FAM20A: variants seen among roughly 807,000 people sequenced by gnomAD.
FAM20A encodes FAM20A golgi associated secretory pathway pseudokinase.
FAM20A carries 42 observed loss-of-function variants against 52.0 expected under a neutral mutation model. The observed-to-expected ratio is 0.81, with a 90% CI of 0.63 to 1.04. The LOEUF (loss-of-function observed/expected upper bound fraction) is 1.04, where lower values mean the gene tolerates loss of function less well. FAM20A is among the 50% of genes least tolerant of loss of function. FAM20A has a pLI of 0.00. For missense variants in FAM20A, 742 were observed against 712.7 expected (o/e 1.04, Z -0.47); for synonymous variants, 304 against 298.9 (o/e 1.02, Z -0.18).
At chr17:68,566,334 G>T (rs2087375679) in intron 1 of FAM20A, among the ~76,000 whole-genome samples, 1 of 152,198 alleles carries the variant, frequency 6.6e-6, no homozygotes, top group Non-Finnish European at 1.5e-5. Context: ...AGCACCTTGT[G>T]CACAGAAGGT....
chr17:68,567,693 C>A (rs1336925898), intron 1 of FAM20A, among the ~76,000 whole-genome samples: 1 of 152,016 alleles, frequency 6.6e-6, no homozygotes, highest in African/African-American at 2.4e-5. Flanking sequence ...AGCCTTTGTA[C>A]TCTGATATGG....
intron 1 of FAM20A, among the ~76,000 whole-genome samples, chr17:68,580,391 A>G (rs1415127908): frequency 6.6e-6 from 1 of 151,820 alleles, no homozygotes; most frequent in East Asian, 1.9e-4. Context: ...TTCCCGACAA[A>G]AACTCATTCC....
chr17:68,551,771 A>T, intron 4 of FAM20A, 102 bp downstream of exon 4: 1 of 744,468 alleles, frequency 1.3e-6, no homozygotes, highest in Non-Finnish European at 2.4e-6. Flanking sequence ...GAATCTCTGA[A>T]TAACTGGCAG....
At chr17:68,588,127 TAA>T (rs747336414) in intron 1 of FAM20A, among the ~76,000 whole-genome samples, 1 of 141,820 alleles carries the variant, frequency 7.1e-6, no homozygotes. Context: ...GCTTTTGACG[TAA>T]AAAAAAAAAG....
At position 68,572,760 on chromosome 17, in the gene FAM20A, G is replaced by C. The variant is rs532832876; in HGVS notation, c.405-17017C>G. Reference sequence around the variant, plus strand: ...TTTATTTATTTATTTATTTATTTTTGTTTTAAGAATTGTTGACTGACTTCT... The same window carrying C: ...TTTATTTATTTATTTATTTATTTTTCTTTTAAGAATTGTTGACTGACTTCT... On this transcript the variant is annotated intron_variant, in intron 1 of 10. Coordinates refer to ENST00000592554, the MANE Select transcript of FAM20A (RefSeq NM_017565.4). 1.1e-4 allele frequency among the ~76,000 whole-genome samples: 16 copies of C among 152,004 alleles called. 1 individual carries two copies. Among genetic ancestry groups the C allele is most frequent in the Admixed American group, 7.2e-4 (11 of 15,266 alleles).
At chr17:68,541,900 A>G (rs1046307142) in intron 7 of FAM20A, 85 bp downstream of exon 7, 6 of 1,502,854 alleles carry the variant, frequency 4.0e-6, no homozygotes, top group Middle Eastern at 4.9e-4. Context: ...TTTCAGATTC[A>G]AAAGCCAAGC....
At chr17:68,578,977 T>A (rs1408393750) in intron 1 of FAM20A, among the ~76,000 whole-genome samples, 1 of 146,998 alleles carries the variant, frequency 6.8e-6, no homozygotes, top group Non-Finnish European at 1.5e-5. Context: ...ATCGCGCCAC[T>A]GCACTCCAGC....
At chr17:68,593,698 G>T (rs1425702058) in intron 1 of FAM20A, among the ~76,000 whole-genome samples, 2 of 152,174 alleles carry the variant, frequency 1.3e-5, no homozygotes, top group African/African-American at 4.8e-5. Flanking sequence ...CCAATGATTT[G>T]TTCCACAGAT....
In FAM20A at chr17:68,580,614, T is replaced by C. The variant is rs572202058; in HGVS notation, c.404+19649A>G. On this transcript the variant is annotated intron_variant, in intron 1 of 10. Transcript: ENST00000592554. ...GGCCCCGAACTGGAAGGGACTTGAA[T>C]GAGAAGGGGCATATCATGGATTGTC... Among the ~76,000 whole-genome samples the C allele has an allele frequency of 6.6e-5, 10 of 152,304 alleles. No homozygotes were observed. The South Asian group carries it at 1.9e-3, about 28-fold the overall frequency.
intron 1 of FAM20A, among the ~76,000 whole-genome samples, chr17:68,561,097 C>A (rs2087198991): frequency 6.6e-6 from 1 of 152,142 alleles, no homozygotes; most frequent in Admixed American, 6.5e-5. Flanking sequence ...CTTTTGACTT[C>A]ACTTATGGTG....
chr17:68,541,032 C>A, intron 7 of FAM20A, 74 bp from the exon 8 acceptor site: 1 of 1,545,690 alleles, frequency 6.5e-7, no homozygotes, highest in Non-Finnish European at 8.7e-7. Context: ...CACACCTCCC[C>A]CTGCCCCCCC....
At chr17:68,571,645 G>A (rs1042151304) in intron 1 of FAM20A, among the ~76,000 whole-genome samples, 4 of 152,016 alleles carry the variant, frequency 2.6e-5, no homozygotes, top group East Asian at 1.9e-4. Flanking sequence ...TATCCTTGAC[G>A]TGGGTCCTAG....
rs1357900431 is a variant in FAM20A, at chr17:68,555,548, A to G, written c.589+11T>C. On this transcript the variant is annotated intron_variant, in intron 2 of 10. Coordinates refer to ENST00000592554, the MANE Select transcript of FAM20A (RefSeq NM_017565.4). ...AGTCAGTCCCCCCTTGCTTGATCCC[A>G]TGAACCTTACCAGCACTGATGGTGG... 4 of 1,612,324 alleles carry G rather than the reference A, an allele frequency of 2.5e-6. No homozygotes were observed. Among genetic ancestry groups the G allele is most frequent in the South Asian group, 1.1e-5 (1 of 91,004 alleles).
In FAM20A at chr17:68,536,054, C is replaced by A. The variant is rs1184114802; in HGVS notation, c.*1423G>T. On this transcript the variant is annotated 3_prime_UTR_variant, in exon 11 of 11. Transcript: ENST00000592554. ...TGGTGAGTGCCTCACCTGGTCAGAT[C>A]TCAGTGAATGGTAGTGATTTTAGAG... 6.6e-6 allele frequency: 3 copies of A among 453,968 alleles called. No homozygotes were observed. The highest frequency in any genetic ancestry group is 6.0e-5 in the African/African-American group (3 of 50,008). 28.1% of individuals were successfully genotyped at this position (453,968 alleles called of 1,614,324 possible).
chr17:68,600,115 G>T lies in FAM20A; in HGVS notation c.404+148C>A. 1.1e-6 allele frequency: 1 copy of T among 917,494 alleles called. No homozygotes were observed. The highest frequency in any genetic ancestry group is 1.6e-6 in the Non-Finnish European group (1 of 625,470). 56.8% of individuals were successfully genotyped at this position (917,494 alleles called of 1,614,324 possible). On this transcript the variant is annotated intron_variant, in intron 1 of 10. Coordinates refer to ENST00000592554, the MANE Select transcript of FAM20A (RefSeq NM_017565.4). This position sits in a 1 kb window ranked among gnomAD's most constrained non-coding sequence, Gnocchi z 6.2. ...CAACAGCTGGTGGGGTTCGGGTGGG[G>T]AACACACTCTAAGCCCAGCGCCAGG... is the stretch of plus-strand genomic sequence containing the variant.
At chr17:68,578,838 CAAAAA>C (rs5821664) in intron 1 of FAM20A, among the ~76,000 whole-genome samples, 1 of 36,058 alleles carries the variant, frequency 2.8e-5, no homozygotes, top group Non-Finnish European at 4.6e-5. Flanking sequence ...CTAAAAATAC[CAAAAA>C]AAAAAAAAAA....
At position 68,546,074 on chromosome 17, in the gene FAM20A, C is replaced by G. The variant is rs368258852; in HGVS notation, c.720-2353G>C. Among the ~76,000 whole-genome samples, 8 of 146,958 alleles carry G rather than the reference C, an allele frequency of 5.4e-5. No individual in the cohort carries two copies. In the East Asian group the frequency reaches 1.6e-3, roughly 30 times the overall value. ...GTCCCAGCTACTTGGGAGGCTGAGG[C>G]AGGAGAATTGTTTGAACCCAGGAGG... On this transcript the variant is annotated intron_variant, in intron 4 of 10. Transcript: ENST00000592554.
At chr17:68,579,582 G>T (rs2087885098) in intron 1 of FAM20A, among the ~76,000 whole-genome samples, 1 of 152,128 alleles carries the variant, frequency 6.6e-6, no homozygotes, top group Non-Finnish European at 1.5e-5. Context: ...GTGAGAGTAG[G>T]GTAGGTTCTG....
At chr17:68,546,120 G>C (rs2086545739) in intron 4 of FAM20A, among the ~76,000 whole-genome samples, 1 of 138,986 alleles carries the variant, frequency 7.2e-6, no homozygotes, top group South Asian at 2.5e-4. Context: ...AGTGAGCCGA[G>C]ATTGTGCCAC....
Sources: gnomAD v4.1 joint callset for allele counts (sites outside exome capture counted in the v4.1 genomes callset) on GRCh38, gnomAD v4.1.1 for gene constraint, Gnocchi (gnomAD v3.1) non-coding constraint, MANE v1.5 for transcripts, NCBI Gene and HGNC (gene_info 2026-07-23, HGNC 2026-07-21) for gene names.